TMPRSS11D: variants seen among roughly 807,000 people sequenced by gnomAD.
TMPRSS11D encodes the protein transmembrane protease serine 11D.
TMPRSS11D carries 32 observed loss-of-function variants against 44.4 expected under a neutral mutation model. The ratio of observed to expected loss-of-function variants is 0.72; its 90% CI spans 0.54 to 0.97. The LOEUF (loss-of-function observed/expected upper bound fraction) is 0.97. Ranked by LOEUF, TMPRSS11D falls within the 50% of genes least tolerant of loss-of-function variation. TMPRSS11D has a pLI of 0.00. For missense variants in TMPRSS11D, 446 were observed against 502.6 expected (o/e 0.89, Z 1.08); for synonymous variants, 179 against 177.9 (o/e 1.01, Z -0.05).
intron 8 of TMPRSS11D, among the ~76,000 whole-genome samples, chr4:67,826,839 T>C (rs778686882): frequency 7.2e-5 from 11 of 151,930 alleles, no homozygotes; most frequent in Non-Finnish European, 1.6e-4. Flanking sequence ...AGCAAGAGGA[T>C]TTCTTAAGAC....
At chr4:67,874,904 G>A (rs908759598) in intron 1 of TMPRSS11D, among the ~76,000 whole-genome samples, 2 of 152,002 alleles carry the variant, frequency 1.3e-5, no homozygotes, top group East Asian at 1.9e-4. Flanking sequence ...AATCATAATT[G>A]TTCTCATAGA....
At chr4:67,874,785 A>G (rs1719143643) in intron 1 of TMPRSS11D, among the ~76,000 whole-genome samples, 1 of 152,160 alleles carries the variant, frequency 6.6e-6, no homozygotes. Context: ...TACTGAAATT[A>G]TTTTCTCACA....
In TMPRSS11D at chr4:67,838,318, C is replaced by T. The variant is rs150193405; in HGVS notation, c.329G>A (p.Ser110Asn). ...CATGACAACATCCGCTCTCACACCA[C>T]TACCATCTTGCCTGTAAATCATAAA... ...AHVAKLRQDG[S>N]GVRADVVMKF... Residue 110 changes from serine (S) to asparagine (N), a missense_variant, in exon 5 of 10, where the codon AGT becomes AAT. Ser to Asn is a conservative substitution (Grantham distance 46). Transcript: ENST00000283916. 5.4e-4 allele frequency: 850 copies of T among 1,568,242 alleles called. No individual in the cohort carries two copies. The highest frequency in any genetic ancestry group is 1.3e-3 in the Admixed American group (66 of 49,714).
chr4:67,857,952 T>C (rs1355263645), intron 2 of TMPRSS11D, among the ~76,000 whole-genome samples: 2 of 152,054 alleles, frequency 1.3e-5, no homozygotes, highest in African/African-American at 2.4e-5. Flanking sequence ...TGTATACATG[T>C]AACAAAATAT....
intron 3 of TMPRSS11D, among the ~76,000 whole-genome samples, chr4:67,850,311 ACCAGATCTGCTGG>A (rs1200885006): frequency 6.6e-6 from 1 of 152,176 alleles, no homozygotes; most frequent in Non-Finnish European, 1.5e-5. Context: ...CCCCTCAGAC[ACCAGATCTGCTGG>A]TGCATTAATC....
intron 1 of TMPRSS11D, among the ~76,000 whole-genome samples, chr4:67,881,665 G>A (rs921859583): frequency 1.4e-4 from 22 of 152,144 alleles, no homozygotes; most frequent in African/African-American, 5.1e-4. Context: ...TTTGGAATGC[G>A]TTTTTGACAG....
In TMPRSS11D at chr4:67,821,535, C is replaced by T. The variant is rs1383071340; in HGVS notation, c.*802G>A. 6.6e-6 allele frequency: 1 copy of T among 152,014 alleles called. No individual in the cohort carries two copies. Among genetic ancestry groups the T allele is most frequent in the Non-Finnish European group, 1.5e-5 (1 of 68,014 alleles). The allele number at this position is 152,014 out of a possible 1,614,324, so 9.4% of individuals were successfully genotyped here. ...ATTATTATTTTGTTGTTAAAAAGTACTATGTAGTTGTAAAGCACCTGACAA... is the reference window on the plus strand; with the variant it reads ...ATTATTATTTTGTTGTTAAAAAGTATTATGTAGTTGTAAAGCACCTGACAA... On this transcript the variant is annotated 3_prime_UTR_variant, in exon 10 of 10. Transcript: ENST00000283916.
intron 1 of TMPRSS11D, among the ~76,000 whole-genome samples, chr4:67,873,427 A>G (rs942897430): frequency 6.6e-6 from 1 of 152,198 alleles, no homozygotes; most frequent in Non-Finnish European, 1.5e-5. Context: ...CATCTCTTCC[A>G]TTCTGGGAAT....
chr4:67,866,313 C>A (rs1024156972), intron 1 of TMPRSS11D, among the ~76,000 whole-genome samples: 1 of 151,704 alleles, frequency 6.6e-6, no homozygotes, highest in Non-Finnish European at 1.5e-5. Context: ...ATGATAAAAA[C>A]CCTTACAAAC....
chr4:67,874,011 G>A (rs181105895), intron 1 of TMPRSS11D, among the ~76,000 whole-genome samples: 2 of 152,268 alleles, frequency 1.3e-5, no homozygotes, highest in East Asian at 1.9e-4. Flanking sequence ...ATGTATGACA[G>A]TGGTCCCATA....
chr4:67,859,433 G>T, intron 2 of TMPRSS11D, 124 bp downstream of exon 2: 1 of 1,101,614 alleles, frequency 9.1e-7, no homozygotes, highest in Non-Finnish European at 1.3e-6. Flanking sequence ...AGAATTATAA[G>T]TAAGATATAT....
chr4:67,827,133 A>C, intron 8 of TMPRSS11D, 128 bp downstream of exon 8: 6 of 1,255,026 alleles, frequency 4.8e-6, no homozygotes, highest in Non-Finnish European at 6.4e-6. Flanking sequence ...TGGGCTGAGC[A>C]GAATATAGAA....
intron 4 of TMPRSS11D, among the ~76,000 whole-genome samples, chr4:67,842,247 T>G (rs1470012035): frequency 1.3e-5 from 2 of 152,198 alleles, no homozygotes; most frequent in Non-Finnish European, 1.5e-5. Flanking sequence ...TTACATAGGC[T>G]GCACTGTGAA....
At chr4:67,861,984 A>G (rs1718800078) in intron 1 of TMPRSS11D, among the ~76,000 whole-genome samples, 1 of 152,148 alleles carries the variant, frequency 6.6e-6, no homozygotes, top group Non-Finnish European at 1.5e-5. Context: ...TTCATAATGC[A>G]ATGGAAATCT....
chr4:67,873,658 T>A (rs553724183), intron 1 of TMPRSS11D, among the ~76,000 whole-genome samples: 4 of 152,294 alleles, frequency 2.6e-5, no homozygotes, highest in African/African-American at 7.2e-5. Flanking sequence ...CCTATTAAAA[T>A]GCAAATTTTA....
chr4:67,838,089 G>A, intron 5 of TMPRSS11D, 83 bp downstream of exon 5: 1 of 1,188,454 alleles, frequency 8.4e-7, no homozygotes. Context: ...AGAAAAGTCA[G>A]CCTCTCAATT....
Position 67,827,378 on chromosome 4 carries a change from C to G in TMPRSS11D, c.835G>C (p.Glu279Gln). 6.2e-7 allele frequency: 1 copy of G among 1,613,282 alleles called. No homozygotes were observed. Reference protein sequence around the residue: ...HENDIALVRLENSVTFTKDIH... With the variant: ...HENDIALVRLQNSVTFTKDIH... ...TCTTTGGTAAAGGTGACACTGTTCTCAAGTCTCACAAGTGCAATGTCATTT... is the reference window on the plus strand; with the variant it reads ...TCTTTGGTAAAGGTGACACTGTTCTGAAGTCTCACAAGTGCAATGTCATTT... Residue 279 changes from glutamate to glutamine, a missense_variant, in exon 8 of 10, where the codon GAG (glutamate) becomes CAG (glutamine). By Grantham distance (29) the Glu-to-Gln change is conservative. Coordinates refer to ENST00000283916, the MANE Select transcript of TMPRSS11D (RefSeq NM_004262.3).
At chr4:67,876,943 T>C (rs1453519389) in intron 1 of TMPRSS11D, among the ~76,000 whole-genome samples, 1 of 152,150 alleles carries the variant, frequency 6.6e-6, no homozygotes, top group Admixed American at 6.6e-5. Flanking sequence ...CCCTTTTTAT[T>C]GAAACACTCT....
intron 2 of TMPRSS11D, among the ~76,000 whole-genome samples, chr4:67,854,761 T>C (rs1415084842): frequency 1.3e-5 from 2 of 152,144 alleles, no homozygotes; most frequent in Non-Finnish European, 2.9e-5. Context: ...AGTAATAAGA[T>C]TGAATCAGTA....
Sources: allele counts gnomAD v4.1 joint callset (sites outside exome capture counted in the v4.1 genomes callset), GRCh38; gene constraint gnomAD v4.1.1; transcripts MANE v1.5; gene names NCBI Gene and HGNC (gene_info 2026-07-23, HGNC 2026-07-21).